TNK2: variants seen among roughly 807,000 people sequenced by gnomAD.
The protein encoded by TNK2 is activated CDC42 kinase 1.
TNK2 carries 83 observed loss-of-function variants against 101.8 expected under a neutral mutation model. The observed-to-expected ratio is 0.82, with a 90% CI of 0.68 to 0.98. TNK2 has a LOEUF of 0.98. Among genes scored for constraint, TNK2 ranks in the 50% least tolerant of loss-of-function variants. TNK2 has a pLI of 0.00. For missense variants in TNK2, 1,665 were observed against 1,483.2 expected (o/e 1.12, Z -2.01); for synonymous variants, 804 against 633.0 (o/e 1.27, Z -4.06).
intron 10 of TNK2, among the ~76,000 whole-genome samples, chr3:195,871,997 C>A (rs1745746243): frequency 7.6e-6 from 1 of 131,282 alleles, no homozygotes. Context: ...AGAACCCTCC[C>A]CTGGAGAACA....
chr3:195,902,346 G>A (rs746852733), intron 1 of TNK2, among the ~76,000 whole-genome samples: 38 of 152,142 alleles, frequency 2.5e-4, no homozygotes, highest in Admixed American at 4.6e-4. Context: ...GGCCGGGCGC[G>A]GGGGCTCACG....
Position 195,863,995 on chromosome 3 carries a change from C to T in TNK2, c.*186G>A, listed in dbSNP as rs1310597421. The T allele has an allele frequency of 1.6e-5, 11 of 694,716 alleles. No individual in the cohort carries two copies. Among genetic ancestry groups the T allele is most frequent in the Admixed American group, 2.6e-5 (1 of 37,882 alleles). The allele number at this position is 694,716 out of a possible 1,614,324, so 43.0% of individuals were successfully genotyped here. A position where few individuals can be genotyped will look rare whatever the true frequency, so the allele number is the denominator to read the frequency against. On this transcript the variant is annotated 3_prime_UTR_variant, in exon 16 of 16. Transcript: ENST00000672887. Reference sequence around the variant, plus strand: ...ACTGAACCAAAGTGTGCAGGGACAGCGCTGGTGCAGGAGGGATGGGCAGGG... The same window carrying T: ...ACTGAACCAAAGTGTGCAGGGACAGTGCTGGTGCAGGAGGGATGGGCAGGG...
intron 4 of TNK2, chr3:195,884,471 C>T (rs377073718): frequency 1.4e-5 from 3 of 211,462 alleles, no homozygotes; most frequent in African/African-American, 2.3e-5. Context: ...GGTGAAACCC[C>T]GTCTCTACTA....
intron 9 of TNK2, among the ~76,000 whole-genome samples, chr3:195,873,826 G>GGGGGCGC (rs1008099942): frequency 8.5e-4 from 129 of 152,240 alleles, no homozygotes; most frequent in African/African-American, 2.8e-3. Flanking sequence ...CGGGGAGGCG[G>GGGGGCGC]GGGGCGCGGG....
At chr3:195,895,625 A>G in intron 1 of TNK2, 2 of 1,285,524 alleles carry the variant, frequency 1.6e-6, no homozygotes, top group South Asian at 5.1e-5. Flanking sequence ...ACCCCCACCG[A>G]GAGCCGGGGC....
intron 10 of TNK2, among the ~76,000 whole-genome samples, chr3:195,870,969 GTGTGGGGT>G (rs1744788093): frequency 6.8e-6 from 1 of 147,068 alleles, no homozygotes; most frequent in African/African-American, 2.5e-5. Context: ...GGGACTCGCT[GTGTGGGGT>G]TCTGGTGTGT....
intron 1 of TNK2, among the ~76,000 whole-genome samples, chr3:195,893,484 C>G (rs1759410958): frequency 6.6e-6 from 1 of 152,128 alleles, no homozygotes; most frequent in African/African-American, 2.4e-5. Flanking sequence ...CACCCCAAAG[C>G]TGTAGGATGT....
chr3:195,879,747 A>C lies in TNK2; in HGVS notation c.888-572T>G, dbSNP rs1010370965. The stretch of plus-strand genomic sequence containing the variant: ...CGGCGTGGACTGAGGTGCAGAGAGG[A>C]GGGTGGTGCCCAGACAGGGAAGCAG... On this transcript the variant is annotated intron_variant, in intron 6 of 15. Transcript: ENST00000672887. Among the ~76,000 whole-genome samples, 14 of 152,164 alleles carry C rather than the reference A, an allele frequency of 9.2e-5. No individual in the cohort carries two copies. The East Asian group carries it at 2.7e-3, about 29-fold the overall frequency.
In TNK2 at chr3:195,887,782, CGT is replaced by C. The variant is rs60221201; in HGVS notation, c.163+642_163+643del. Reference sequence around the variant, plus strand: ...GTGCGCACGTGTGTGCGTCTGCGCGCGTGTGTGTACATGTGTGTATGCCGTGC... The same window carrying C: ...GTGCGCACGTGTGTGCGTCTGCGCGCGTGTGTACATGTGTGTATGCCGTGC... On this transcript the variant is annotated intron_variant, in intron 2 of 15. Transcript: ENST00000672887. Among the ~76,000 whole-genome samples, 95 of 150,880 alleles carry C rather than the reference CGT, an allele frequency of 6.3e-4. No individual in the cohort carries two copies. The Middle Eastern group carries it at 0.014, about 22-fold the overall frequency.
chr3:195,887,833 CACGT>C (rs1247460737), intron 2 of TNK2, among the ~76,000 whole-genome samples: 3 of 122,418 alleles, frequency 2.5e-5, no homozygotes, highest in South Asian at 2.5e-4. Context: ...TGTGCGCACA[CACGT>C]GTGTGTGTGT....
At chr3:195,895,620 C>T in intron 1 of TNK2, 1 of 1,288,916 alleles carries the variant, frequency 7.8e-7, no homozygotes, top group Non-Finnish European at 9.8e-7. Flanking sequence ...GGCTGACCCC[C>T]ACCGAGAGCC....
At chr3:195,868,922 C>G in intron 12 of TNK2, 1 of 579,528 alleles carries the variant, frequency 1.7e-6, no homozygotes. Flanking sequence ...CCCGGCAGCC[C>G]CATGTGGGCC....
Position 195,868,396 on chromosome 3 carries a change from C to T in TNK2, c.1902G>A (p.Thr634=), listed in dbSNP as rs370285437. 69 of 1,583,472 alleles carry T rather than the reference C, an allele frequency of 4.4e-5. No individual in the cohort carries two copies. The highest frequency in any genetic ancestry group is 2.4e-4 in the Admixed American group (14 of 58,364). The change falls in exon 13 of 16, where the codon ACG becomes ACA. Residue 634 remains threonine (T), a synonymous_variant. Coordinates refer to ENST00000672887, the MANE Select transcript of TNK2 (RefSeq NM_001382273.1). The part of the protein sequence containing the change: ...TRALPRPLHP[T]PVVDWDARPL... ...GGCGTGCGTCCCAGTCCACCACAGG[C>T]GTGGGGTGCAGGGGCCGGGGCAGTG...
intron 1 of TNK2, chr3:195,892,314 T>C (rs1233439750): frequency 1.6e-6 from 2 of 1,278,030 alleles, no homozygotes; most frequent in Non-Finnish European, 2.1e-6. Context: ...GCGGGGTCCC[T>C]CAGCCGCTCC....
At chr3:195,891,226 G>A (rs916251537) in intron 1 of TNK2, among the ~76,000 whole-genome samples, 1 of 152,204 alleles carries the variant, frequency 6.6e-6, no homozygotes, top group Non-Finnish European at 1.5e-5. Context: ...GACCAACATG[G>A]AGAAACCCCA....
At chr3:195,876,668 G>T (rs1749491095) in intron 9 of TNK2, 1 of 454,972 alleles carries the variant, frequency 2.2e-6, no homozygotes, top group Non-Finnish European at 4.4e-6. Context: ...CAGGGCTGGT[G>T]GCCCAGGGGG....
rs751345683 is a variant in TNK2 at position 195,867,711 on chromosome 3, C to T, written c.2587G>A (p.Val863Ile). 29 of 1,606,978 alleles carry T rather than the reference C, an allele frequency of 1.8e-5. No individual in the cohort carries two copies. The highest frequency in any genetic ancestry group is 1.7e-4 in the Middle Eastern group (1 of 6,038). ...CTGCTGACCTTCTTGCCATCCCGGACGATGGGCAGGATGCAGGGACCAGCC... is the reference window on the plus strand; with the variant it reads ...CTGCTGACCTTCTTGCCATCCCGGATGATGGGCAGGATGCAGGGACCAGCC... Reference protein sequence around the residue: ...PRAGPCILPIVRDGKKVSSTH... With the variant: ...PRAGPCILPIIRDGKKVSSTH... The change falls in exon 13 of 16, where the codon GTC becomes ATC. Residue 863 changes from valine (V) to isoleucine (I), a missense_variant. Physicochemically the swap from Val to Ile is conservative, Grantham distance 29. Transcript: ENST00000672887.
At position 195,886,038 on chromosome 3, in the gene TNK2, G is replaced by A. The variant is rs561853829; in HGVS notation, c.234+939C>T. 5.6e-5 allele frequency: 9 copies of A among 161,312 alleles called. No individual in the cohort carries two copies. The South Asian group carries it at 1.0e-3, about 19-fold the overall frequency. 10.0% of individuals were successfully genotyped at this position (161,312 alleles called of 1,614,324 possible). On this transcript the variant is annotated intron_variant, in intron 3 of 15. Coordinates refer to ENST00000672887, the MANE Select transcript of TNK2 (RefSeq NM_001382273.1). This position sits in a 1 kb window ranked among gnomAD's most constrained non-coding sequence, Gnocchi z 4.2. ...TATCTCCGGTGCCTCCTGCAGCCCC[G>A]GGAGGTGAGCTGGGCAGTGGGGACC...
At chr3:195,873,265 T>TGGGCAGGGGCAG (rs367947707) in intron 9 of TNK2, among the ~76,000 whole-genome samples, 1 of 151,966 alleles carries the variant, frequency 6.6e-6, no homozygotes, top group African/African-American at 2.4e-5. Flanking sequence ...AGCCGGGGCC[T>TGGGCAGGGGCAG]GGGCAGGGGC....
Sources: allele counts gnomAD v4.1 joint callset (sites outside exome capture counted in the v4.1 genomes callset), GRCh38; gene constraint gnomAD v4.1.1; non-coding constraint Gnocchi (gnomAD v3.1); transcripts MANE v1.5; gene names NCBI Gene and HGNC (gene_info 2026-07-23, HGNC 2026-07-21).